Variants in DACH2 observed in about 807,000 individuals in gnomAD.
The protein encoded by DACH2 is dachshund homolog 2.
DACH2 carries 17 observed loss-of-function variants against 35.8 expected under a neutral mutation model. The observed-to-expected ratio is 0.48, with a 90% CI of 0.33 to 0.71. The LOEUF is 0.71. Ranked by LOEUF, DACH2 falls within the 30% of genes least tolerant of loss-of-function variation. The pLI, the probability that DACH2 is intolerant of heterozygous loss-of-function variation, is 0.02. For synonymous variants in DACH2, 195 were observed against 177.3 expected (o/e 1.10, Z -0.79); for missense variants, 469 against 472.7 (o/e 0.99, Z 0.07).
chrX:86,709,268 T>C (rs1270482458), intron 5 of DACH2, among the ~76,000 whole-genome samples: 7 of 111,963 alleles, frequency 6.3e-5, no homozygotes, highest in Admixed American at 9.5e-5. Context: ...ATGTAGTCAA[T>C]TGGTATTTGA....
rs770768701 is a variant in DACH2, at chrX:86,673,268, C to T, written c.773-21753C>T. 1.4e-3 allele frequency among the ~76,000 whole-genome samples: 123 copies of T among 90,885 alleles called. 2 individuals are homozygous for T. The highest frequency in any genetic ancestry group is 6.8e-3 in the South Asian group (11 of 1,623). The allele number at this position is 90,885 out of a possible 115,157, so 78.9% of individuals were successfully genotyped here. ...AGGAGAATGGTGTGAACCTGGGAGG[C>T]GGAGCTTGCAGTGAGCCAAGATCAT... On this transcript the variant is annotated intron_variant, in intron 4 of 11. Coordinates refer to ENST00000373125, the MANE Select transcript of DACH2 (RefSeq NM_053281.3).
chrX:86,773,205 A>G (rs1481522585), intron 7 of DACH2, among the ~76,000 whole-genome samples: 14 of 112,150 alleles, frequency 1.2e-4, no homozygotes, highest in Admixed American at 1.0e-3. Context: ...TTTACTGGCA[A>G]CGTAGTAGAA....
intron 2 of DACH2, among the ~76,000 whole-genome samples, chrX:86,381,423 A>T (rs1298969455): frequency 8.1e-5 from 9 of 111,183 alleles, no homozygotes; most frequent in Non-Finnish European, 1.3e-4. Context: ...ATAAGGATTA[A>T]AGATACTATT....
chrX:86,611,943 T>A (rs1309039697), intron 3 of DACH2, among the ~76,000 whole-genome samples: 1 of 104,745 alleles, frequency 9.5e-6, no homozygotes, highest in Non-Finnish European at 1.9e-5. Flanking sequence ...AGACAGTTGT[T>A]GAAGTTGTTG....
At chrX:86,181,322 C>T (rs972179353) in intron 1 of DACH2, among the ~76,000 whole-genome samples, 64 of 110,849 alleles carry the variant, frequency 5.8e-4, no homozygotes, top group African/African-American at 2.0e-3. Flanking sequence ...TCTCCTAATG[C>T]TATCTCTCCC....
intron 3 of DACH2, among the ~76,000 whole-genome samples, chrX:86,525,713 C>A (rs1449564675): frequency 9.0e-6 from 1 of 111,551 alleles, no homozygotes; most frequent in African/African-American, 3.3e-5. Flanking sequence ...GAGAGGATCA[C>A]TGATGCCTAC....
At chrX:86,401,969 T>C (rs1278417331) in intron 2 of DACH2, among the ~76,000 whole-genome samples, 2 of 111,945 alleles carry the variant, frequency 1.8e-5, no homozygotes, top group Non-Finnish European at 3.8e-5. Context: ...CAAAAAGCTT[T>C]AGATAAAATC....
At chrX:86,607,839 G>A (rs1321342067) in intron 3 of DACH2, among the ~76,000 whole-genome samples, 1 of 103,645 alleles carries the variant, frequency 9.6e-6, no homozygotes, top group African/African-American at 3.5e-5. Flanking sequence ...GTGAGAATAT[G>A]CAGTGTTTGG....
intron 1 of DACH2, among the ~76,000 whole-genome samples, chrX:86,185,957 CT>C (rs1468182527): frequency 8.9e-6 from 1 of 112,139 alleles, no homozygotes; most frequent in Admixed American, 9.5e-5. Flanking sequence ...GTAGCTGGGA[CT>C]TTCCATTCAT....
intron 7 of DACH2, among the ~76,000 whole-genome samples, chrX:86,753,581 C>T (rs1255861075): frequency 4.5e-5 from 5 of 110,775 alleles, no homozygotes; most frequent in Admixed American, 1.9e-4. Context: ...CGGTTTTATC[C>T]GGATCATAAT....
chrX:86,615,599 A>C (rs934850445), intron 3 of DACH2, among the ~76,000 whole-genome samples: 2 of 111,111 alleles, frequency 1.8e-5, no homozygotes, highest in African/African-American at 6.5e-5. Flanking sequence ...ATAGTAATTG[A>C]CTTTGTTTTA....
intron 1 of DACH2, among the ~76,000 whole-genome samples, chrX:86,162,737 A>C (rs1319467561): frequency 1.8e-5 from 2 of 111,664 alleles, no homozygotes; most frequent in African/African-American, 6.5e-5. Context: ...TTAATTAAAA[A>C]ATTATAAAGT....
intron 1 of DACH2, among the ~76,000 whole-genome samples, chrX:86,288,158 G>A (rs189034668): frequency 8.9e-6 from 1 of 112,416 alleles, no homozygotes; most frequent in Non-Finnish European, 1.9e-5. Flanking sequence ...TACCTTGATG[G>A]TCTTGGACAA....
chrX:86,445,579 A>G (rs2037255888), intron 2 of DACH2, among the ~76,000 whole-genome samples: 1 of 102,897 alleles, frequency 9.7e-6, no homozygotes, highest in Non-Finnish European at 2.0e-5. Context: ...AAAAAAAAAA[A>G]AAGAAATTTT....
At chrX:86,799,382 G>T (rs1368792468) in intron 7 of DACH2, among the ~76,000 whole-genome samples, 1 of 111,952 alleles carries the variant, frequency 8.9e-6, no homozygotes, top group Non-Finnish European at 1.9e-5. Context: ...GGGAAAATGC[G>T]ACTTGGTGGC....
chrX:86,587,802 T>G (rs1175961345), intron 3 of DACH2, among the ~76,000 whole-genome samples: 2 of 111,988 alleles, frequency 1.8e-5, no homozygotes, highest in Non-Finnish European at 3.8e-5. Flanking sequence ...TGCAAATATT[T>G]GCTTCTATTC....
chrX:86,513,183 T>G (rs1450293248), intron 2 of DACH2, among the ~76,000 whole-genome samples: 1 of 111,867 alleles, frequency 8.9e-6, no homozygotes, highest in African/African-American at 3.2e-5. Context: ...TAAATTTCTT[T>G]GTAAACCAAA....
intron 5 of DACH2, among the ~76,000 whole-genome samples, chrX:86,708,589 C>T (rs1370248540): frequency 1.2e-5 from 1 of 82,336 alleles, no homozygotes; most frequent in Non-Finnish European, 2.1e-5. Flanking sequence ...CATATGTACA[C>T]ATGGACATAG....
intron 7 of DACH2, among the ~76,000 whole-genome samples, chrX:86,801,077 A>T (rs1302379364): frequency 8.9e-6 from 1 of 111,824 alleles, no homozygotes; most frequent in East Asian, 2.8e-4. Context: ...AATAAAATTC[A>T]GCTTTCTAAA....
Sources: gnomAD v4.1 joint callset for allele counts (sites outside exome capture counted in the v4.1 genomes callset) on GRCh38, gnomAD v4.1.1 for gene constraint, MANE v1.5 for transcripts, NCBI Gene and HGNC (gene_info 2026-07-23, HGNC 2026-07-21) for gene names.